MGRN1: variants seen among roughly 807,000 people sequenced by gnomAD.
MGRN1 encodes the protein mahogunin ring finger 1.
Under a neutral mutation model 69.2 loss-of-function variants are expected in MGRN1, and 29 were observed. The ratio of observed to expected loss-of-function variants is 0.42; its 90% confidence interval spans 0.31 to 0.57. The LOEUF (loss-of-function observed/expected upper bound fraction) is 0.57, where lower values mean the gene tolerates loss of function less well. MGRN1 is among the 20% of genes least tolerant of loss of function. The probability of loss-of-function intolerance (pLI) is 0.15; values close to 1 mark genes in which losing one functional copy is unlikely to be tolerated. For missense variants in MGRN1, 998 were observed against 796.2 expected (o/e 1.25, Z -3.05); for synonymous variants, 470 against 344.2 (o/e 1.37, Z -4.04).
At chr16:4,683,027 C>A in intron 14 of MGRN1, 81 bp downstream of exon 14, 1 of 1,484,194 alleles carries the variant, frequency 6.7e-7, no homozygotes, top group Non-Finnish European at 9.0e-7. Context: ...CAGACCCCAT[C>A]CCACTGCCCG....
In MGRN1 at chr16:4,666,693, C is replaced by T. The variant is rs113760274; in HGVS notation, c.678+1542C>T. ...ATGTCACAGACCCCCAGTCCTGCTG[C>T]TCCTTCCGCCACCTGCCTGCGGCAC... On this transcript the variant is annotated intron_variant, in intron 7 of 16. Coordinates refer to ENST00000262370, the MANE Select transcript of MGRN1 (RefSeq NM_015246.4). Among the ~76,000 whole-genome samples the T allele has an allele frequency of 7.4e-3, 1,124 of 152,324 alleles. 19 individuals carry two copies. The highest frequency in any genetic ancestry group is 0.025 in the African/African-American group (1,036 of 41,566).
intron 11 of MGRN1, among the ~76,000 whole-genome samples, chr16:4,679,658 C>G (rs998747070): frequency 6.6e-6 from 1 of 152,192 alleles, no homozygotes; most frequent in Non-Finnish European, 1.5e-5. Flanking sequence ...GGACTTTGAC[C>G]AGTGTGGCTT....
At chr16:4,671,956 A>G (rs1395451829) in intron 9 of MGRN1, among the ~76,000 whole-genome samples, 1 of 152,156 alleles carries the variant, frequency 6.6e-6, no homozygotes, top group East Asian at 1.9e-4. Flanking sequence ...CTCAGGCTGT[A>G]ATGCAGCAGG....
chr16:4,651,849 T>C (rs58330296), intron 2 of MGRN1, 114 bp from the exon 3 acceptor site: 35,213 of 919,092 alleles, frequency 0.038, 1,277 homozygotes, highest in African/African-American at 0.16. Flanking sequence ...GCCCCTCCCA[T>C]GGGACTAGAT....
At chr16:4,634,037 T>C (rs1345389637) in intron 1 of MGRN1, among the ~76,000 whole-genome samples, 2 of 152,178 alleles carry the variant, frequency 1.3e-5, no homozygotes, top group East Asian at 3.9e-4. Flanking sequence ...GCTGTGAAAA[T>C]TGCAGCTGCC....
At chr16:4,628,996 CA>C (rs1162973494) in intron 1 of MGRN1, among the ~76,000 whole-genome samples, 2 of 152,098 alleles carry the variant, frequency 1.3e-5, no homozygotes, top group African/African-American at 2.4e-5. Context: ...GCCACTATGC[CA>C]GGCTAATTTT....
At chr16:4,660,923 G>A (rs529446614) in intron 5 of MGRN1, among the ~76,000 whole-genome samples, 69 of 152,328 alleles carry the variant, frequency 4.5e-4, no homozygotes, top group South Asian at 1.7e-3. Context: ...GCTGGGAGCT[G>A]GAGGCCTAGC....
At chr16:4,687,381 T>TA (rs2079351088) in intron 16 of MGRN1, 4 of 925,418 alleles carry the variant, frequency 4.3e-6, no homozygotes, top group African/African-American at 3.6e-5. Flanking sequence ...CCCCTCTCTA[T>TA]GAAAAATAAA....
At chr16:4,668,442 C>A in intron 8 of MGRN1, 130 bp downstream of exon 8, 3 of 906,322 alleles carry the variant, frequency 3.3e-6, no homozygotes, top group East Asian at 2.6e-5. Flanking sequence ...CATACACACT[C>A]ATACACATTC....
At chr16:4,688,131 G>T in intron 16 of MGRN1, 1 of 985,592 alleles carries the variant, frequency 1.0e-6, no homozygotes, top group Non-Finnish European at 1.2e-6. Context: ...GGCCGTGTCT[G>T]CTGGGAGCCA....
At chr16:4,639,036 T>TGACCTGAGCAGGTCACTCAGCCTCACC (rs1264966384) in intron 1 of MGRN1, among the ~76,000 whole-genome samples, 2 of 152,198 alleles carry the variant, frequency 1.3e-5, no homozygotes, top group Non-Finnish European at 2.9e-5. Context: ...ACTGGTTGTG[T>TGACCTGAGCAGGTCACTCAGCCTCACC]GACCTGAGCA....
At chr16:4,635,240 T>C (rs1353195866) in intron 1 of MGRN1, among the ~76,000 whole-genome samples, 1 of 151,648 alleles carries the variant, frequency 6.6e-6, no homozygotes, top group Non-Finnish European at 1.5e-5. Context: ...GGCAAAACCC[T>C]ATCTCTACTA....
intron 9 of MGRN1, among the ~76,000 whole-genome samples, chr16:4,672,974 A>C (rs1013099476): frequency 6.6e-6 from 1 of 151,954 alleles, no homozygotes; most frequent in Non-Finnish European, 1.5e-5. Flanking sequence ...GAGTAGCTGG[A>C]ACTACAAGCA....
intron 15 of MGRN1, 32 bp downstream of exon 15, chr16:4,683,301 A>G (rs1448644916): frequency 6.2e-7 from 1 of 1,612,506 alleles, no homozygotes; most frequent in Non-Finnish European, 8.5e-7. Context: ...CACAAACCGC[A>G]TGCAGGGACC....
chr16:4,680,349 C>A, intron 12 of MGRN1: 1 of 488,128 alleles, frequency 2.0e-6, no homozygotes, highest in Non-Finnish European at 3.7e-6. Flanking sequence ...CGCGTGGCCC[C>A]CGTGCCGTTT....
At chr16:4,638,462 C>G (rs1406183585) in intron 1 of MGRN1, among the ~76,000 whole-genome samples, 2 of 149,054 alleles carry the variant, frequency 1.3e-5, no homozygotes, top group African/African-American at 5.1e-5. Context: ...GAGAGTCCGT[C>G]TCAAAAAAAA....
intron 10 of MGRN1, among the ~76,000 whole-genome samples, chr16:4,675,979 G>A (rs1431729395): frequency 6.6e-6 from 1 of 152,236 alleles, no homozygotes. Flanking sequence ...GGGATCCCTG[G>A]CCTGGGTCCT....
intron 1 of MGRN1, chr16:4,649,006 G>T (rs1465416355): frequency 1.9e-5 from 3 of 156,026 alleles, no homozygotes; most frequent in African/African-American, 4.8e-5. Flanking sequence ...GAATCCAGGG[G>T]AGAGGCCATG....
At chr16:4,688,095 C>A in intron 16 of MGRN1, 2 of 985,568 alleles carry the variant, frequency 2.0e-6, no homozygotes, top group Non-Finnish European at 2.4e-6. Flanking sequence ...AGAAAATAGA[C>A]GCCCTTCACC....
Sources: gnomAD v4.1 joint callset for allele counts (sites outside exome capture counted in the v4.1 genomes callset) on GRCh38, gnomAD v4.1.1 for gene constraint, MANE v1.5 for transcripts, NCBI Gene and HGNC (gene_info 2026-07-23, HGNC 2026-07-21) for gene names.